The following FBXL7 variants were observed in gnomAD, a reference collection of about 807,000 sequenced individuals.
FBXL7 encodes the protein F-box/LRR-repeat protein 7.
FBXL7 carries 12 observed loss-of-function variants against 38.3 expected under a neutral mutation model. The ratio of observed to expected loss-of-function variants is 0.31; its 90% CI spans 0.20 to 0.51. The LOEUF (loss-of-function observed/expected upper bound fraction) is 0.51, where lower values mean the gene tolerates loss of function less well. FBXL7 is among the 20% of genes least tolerant of loss of function. FBXL7 has a pLI of 0.98. For synonymous variants in FBXL7, 297 were observed against 300.9 expected (o/e 0.99, Z 0.13); for missense variants, 567 against 676.4 (o/e 0.84, Z 1.79).
intron 2 of FBXL7, among the ~76,000 whole-genome samples, chr5:15,895,078 T>A (rs754103609): frequency 6.6e-6 from 1 of 152,190 alleles, no homozygotes; most frequent in Non-Finnish European, 1.5e-5. Flanking sequence ...GTCAATATTC[T>A]AAAATACCTT....
intron 1 of FBXL7, among the ~76,000 whole-genome samples, chr5:15,547,689 G>A (rs1737954310): frequency 6.6e-6 from 1 of 152,156 alleles, no homozygotes; most frequent in Admixed American, 6.5e-5. Context: ...CAGGGTCATT[G>A]GGCCTGCTGG....
At chr5:15,512,370 T>A (rs1330498685) in intron 1 of FBXL7, among the ~76,000 whole-genome samples, 1 of 152,250 alleles carries the variant, frequency 6.6e-6, no homozygotes, top group Non-Finnish European at 1.5e-5. Flanking sequence ...TTGCTCATCC[T>A]TCCGTATATG....
intron 2 of FBXL7, among the ~76,000 whole-genome samples, chr5:15,767,085 G>A (rs1235198816): frequency 6.6e-6 from 1 of 151,788 alleles, no homozygotes; most frequent in East Asian, 1.9e-4. Context: ...ATGGTGATTT[G>A]CTGCACATAT....
At position 15,774,150 on chromosome 5, in the gene FBXL7, A is replaced by AT. The variant is rs35364016; in HGVS notation, c.128-153731dup. Among the ~76,000 whole-genome samples the AT allele has an allele frequency of 6.2e-3, 938 of 150,828 alleles. 6 individuals carry two copies. Among genetic ancestry groups the AT allele is most frequent in the African/African-American group, 0.021 (866 of 41,074 alleles). ...TTTGAGAGCAGAATCTGTTTCTTTG[A>AT]TTTTTTTTTCAGCTTCCAGAGGCTA... On this transcript the variant is annotated intron_variant, in intron 2 of 3. Coordinates refer to ENST00000504595, the MANE Select transcript of FBXL7 (RefSeq NM_012304.5).
Position 15,928,608 on chromosome 5 carries a change from A to G in FBXL7, c.739+107A>G. 2.1e-6 allele frequency: 3 copies of G among 1,425,878 alleles called. No homozygotes were observed. The highest frequency in any genetic ancestry group is 2.8e-6 in the Non-Finnish European group (3 of 1,061,658). 88.3% of individuals were successfully genotyped at this position (1,425,878 alleles called of 1,614,324 possible). On this transcript the variant is annotated intron_variant, in intron 3 of 3. Coordinates refer to ENST00000504595, the MANE Select transcript of FBXL7 (RefSeq NM_012304.5). The surrounding 1 kb of genome is among the most constrained non-coding windows in gnomAD (Gnocchi z 4.0). ...GTCCTCTTCTTGCAAGCCATCAGAG[A>G]TGGGGGCGGGTGGTAGGGAGGCTGG...
intron 2 of FBXL7, among the ~76,000 whole-genome samples, chr5:15,649,999 G>T (rs201383904): frequency 3.9e-5 from 6 of 152,112 alleles, no homozygotes; most frequent in African/African-American, 7.2e-5. Context: ...GTGGCTCTTT[G>T]ATCAGATATT....
chr5:15,818,875 G>A (rs1342272904), intron 2 of FBXL7, among the ~76,000 whole-genome samples: 3 of 152,028 alleles, frequency 2.0e-5, no homozygotes, highest in East Asian at 1.9e-4. Flanking sequence ...AATGATTTCC[G>A]AGATGAAGAG....
chr5:15,926,296 A>T (rs1741874545), intron 2 of FBXL7, among the ~76,000 whole-genome samples: 1 of 149,026 alleles, frequency 6.7e-6, no homozygotes, highest in Admixed American at 6.7e-5. Context: ...TATATGTATT[A>T]TTATATCCAA....
chr5:15,931,879 C>G (rs544719322), intron 3 of FBXL7, among the ~76,000 whole-genome samples: 1 of 152,250 alleles, frequency 6.6e-6, no homozygotes, highest in South Asian at 2.1e-4. Context: ...GTGAAGCATC[C>G]CCTGAATGTA....
intron 2 of FBXL7, among the ~76,000 whole-genome samples, chr5:15,780,340 CA>C (rs920857862): frequency 5.9e-4 from 90 of 151,890 alleles, no homozygotes; most frequent in Admixed American, 5.6e-3. Context: ...AAAAGCAAAC[CA>C]AAAAACCCCA....
chr5:15,697,377 TGACACATTTTGAG>T (rs1444555059), intron 2 of FBXL7, among the ~76,000 whole-genome samples: 1 of 152,094 alleles, frequency 6.6e-6, no homozygotes, highest in Non-Finnish European at 1.5e-5. Flanking sequence ...AGTGAGAGAA[TGACACATTTTGAG>T]GACACATTTT....
At chr5:15,846,269 T>C (rs1379623119) in intron 2 of FBXL7, among the ~76,000 whole-genome samples, 1 of 152,234 alleles carries the variant, frequency 6.6e-6, no homozygotes, top group Admixed American at 6.5e-5. Context: ...GTTTGAAGAG[T>C]ATTAATACAT....
chr5:15,662,231 A>G (rs1400660194), intron 2 of FBXL7, among the ~76,000 whole-genome samples: 1 of 152,038 alleles, frequency 6.6e-6, no homozygotes, highest in Non-Finnish European at 1.5e-5. Flanking sequence ...TTTGATTTGC[A>G]TTTCTCTAAT....
intron 2 of FBXL7, among the ~76,000 whole-genome samples, chr5:15,625,942 A>G (rs1740801888): frequency 6.6e-6 from 1 of 152,220 alleles, no homozygotes; most frequent in Non-Finnish European, 1.5e-5. Context: ...CTTAAAAAAT[A>G]GTGCTAAAAT....
At chr5:15,534,079 G>C (rs73751976) in intron 1 of FBXL7, among the ~76,000 whole-genome samples, 3,560 of 152,186 alleles carry the variant, frequency 0.023, 137 homozygotes, top group African/African-American at 0.081. Context: ...AGTTTCTGTA[G>C]ATTCTAGACC....
chr5:15,736,349 G>T (rs1735747422), intron 2 of FBXL7, among the ~76,000 whole-genome samples: 1 of 152,050 alleles, frequency 6.6e-6, no homozygotes, highest in Non-Finnish European at 1.5e-5. Context: ...CAATACTCCA[G>T]CAACTTAGAT....
chr5:15,858,973 C>T (rs537940921), intron 2 of FBXL7, among the ~76,000 whole-genome samples: 23 of 152,224 alleles, frequency 1.5e-4, no homozygotes, highest in African/African-American at 4.6e-4. Flanking sequence ...ATCTGATATC[C>T]ATTTTTAATA....
chr5:15,691,462 C>A (rs1199794387), intron 2 of FBXL7, among the ~76,000 whole-genome samples: 1 of 152,190 alleles, frequency 6.6e-6, no homozygotes, highest in East Asian at 1.9e-4. Flanking sequence ...TTGGCTCTTT[C>A]TCCTGCCCTC....
intron 2 of FBXL7, among the ~76,000 whole-genome samples, chr5:15,651,390 C>T (rs572451858): frequency 1.2e-4 from 19 of 152,130 alleles, no homozygotes; most frequent in African/African-American, 2.9e-4. Flanking sequence ...CCACTGTGCC[C>T]GGCCAACATA....
Sources: gnomAD v4.1 joint callset for allele counts (sites outside exome capture counted in the v4.1 genomes callset) on GRCh38, gnomAD v4.1.1 for gene constraint, Gnocchi (gnomAD v3.1) non-coding constraint, MANE v1.5 for transcripts, NCBI Gene and HGNC (gene_info 2026-07-23, HGNC 2026-07-21) for gene names.